The following PTPRK variants were observed in gnomAD, a reference collection of about 807,000 sequenced individuals.
The protein encoded by PTPRK is protein tyrosine phosphatase receptor type K.
In PTPRK, 75 loss-of-function variants were observed where a neutral mutation model predicts 178.0. The observed-to-expected ratio is 0.42, with a 90% CI of 0.35 to 0.51. PTPRK has a LOEUF of 0.51. Ranked by LOEUF, PTPRK falls within the 20% of genes least tolerant of loss-of-function variation. The pLI, the probability that PTPRK is intolerant of heterozygous loss-of-function variation, is 0.02. For missense variants in PTPRK, 1,441 were observed against 1,797.8 expected (o/e 0.80, Z 3.59); for synonymous variants, 637 against 620.6 (o/e 1.03, Z -0.39).
intron 13 of PTPRK, among the ~76,000 whole-genome samples, chr6:128,058,237 T>G (rs1017579811): frequency 2.0e-5 from 3 of 152,174 alleles, no homozygotes; most frequent in Admixed American, 2.0e-4. Context: ...TGCTAGACAG[T>G]TTTCCAAAGT....
chr6:128,276,326 C>A (rs1164548630), intron 3 of PTPRK, among the ~76,000 whole-genome samples: 1 of 151,994 alleles, frequency 6.6e-6, no homozygotes, highest in Admixed American at 6.6e-5. Flanking sequence ...AAGAAAAAAT[C>A]ATTCTTTTCT....
chr6:128,428,698 TC>T, intron 1 of PTPRK, among the ~76,000 whole-genome samples: 2 of 152,210 alleles, frequency 1.3e-5, no homozygotes. Flanking sequence ...CAATGACCTA[TC>T]CTGACTAAAG....
intron 6 of PTPRK, among the ~76,000 whole-genome samples, chr6:128,218,129 A>G (rs1809680034): frequency 6.6e-6 from 1 of 152,116 alleles, no homozygotes; most frequent in Non-Finnish European, 1.5e-5. Context: ...TTTCCTTCAT[A>G]GCCCATACCA....
At chr6:128,108,078 ACAC>A (rs1790026998) in intron 7 of PTPRK, among the ~76,000 whole-genome samples, 2 of 134,798 alleles carry the variant, frequency 1.5e-5, no homozygotes, top group African/African-American at 2.7e-5. Context: ...AAACACACAC[ACAC>A]ACACACACAC....
At chr6:128,167,719 G>T (rs1024592113) in intron 7 of PTPRK, among the ~76,000 whole-genome samples, 4 of 151,974 alleles carry the variant, frequency 2.6e-5, no homozygotes, top group African/African-American at 9.7e-5. Flanking sequence ...TTGTAAAGTT[G>T]AATAGACATT....
chr6:128,484,548 AAGT>A (rs2128425654), intron 1 of PTPRK, among the ~76,000 whole-genome samples: 1 of 152,322 alleles, frequency 6.6e-6, no homozygotes, highest in East Asian at 1.9e-4. Flanking sequence ...GCCAGTTATC[AAGT>A]GATAATACTT....
chr6:128,026,421 G>A (rs564585961), intron 13 of PTPRK, among the ~76,000 whole-genome samples: 1 of 152,304 alleles, frequency 6.6e-6, no homozygotes, highest in East Asian at 1.9e-4. Context: ...AAAGAGGGAT[G>A]AAAATCACTC....
At chr6:128,500,365 G>A (rs188205681) in intron 1 of PTPRK, among the ~76,000 whole-genome samples, 9 of 148,492 alleles carry the variant, frequency 6.1e-5, no homozygotes, top group African/African-American at 1.8e-4. Context: ...TGAAAATTTG[G>A]GGGGGGGAGT....
intron 7 of PTPRK, among the ~76,000 whole-genome samples, chr6:128,142,356 T>C (rs904783345): frequency 6.6e-6 from 1 of 151,874 alleles, no homozygotes; most frequent in South Asian, 2.1e-4. Context: ...CCATAAGATC[T>C]TGCACAGATA....
chr6:128,290,101 C>A (rs1823136081), intron 3 of PTPRK, among the ~76,000 whole-genome samples: 1 of 152,094 alleles, frequency 6.6e-6, no homozygotes, highest in Non-Finnish European at 1.5e-5. Flanking sequence ...CAAAATCTCC[C>A]TATGAATCTT....
rs540050505 is a variant in PTPRK, at chr6:128,413,582, CTT to C, written c.101-15896_101-15895del. ...TATCAATGGTATTCCTCCGTGGTGT[CTT>C]TGAAATCACTGGACTATTCAGATGG... On this transcript the variant is annotated intron_variant, in intron 1 of 29. Coordinates refer to ENST00000368226, the MANE Select transcript of PTPRK (RefSeq NM_002844.4). 1.3e-3 allele frequency among the ~76,000 whole-genome samples: 201 copies of C among 152,210 alleles called. 1 individual carries two copies. The highest frequency in any genetic ancestry group is 4.7e-3 in the African/African-American group (197 of 41,532).
intron 7 of PTPRK, among the ~76,000 whole-genome samples, chr6:128,103,324 T>C (rs565970068): frequency 1.3e-5 from 2 of 152,210 alleles, no homozygotes; most frequent in South Asian, 4.1e-4. Flanking sequence ...TTCAAGTCTT[T>C]GTGTGACCTG....
At chr6:128,409,238 C>G (rs75662105) in intron 1 of PTPRK, 4 of 429,142 alleles carry the variant, frequency 9.3e-6, no homozygotes, top group Non-Finnish European at 1.4e-5. Flanking sequence ...ATAAACTTAT[C>G]TAAAACATGG....
At chr6:128,086,468 G>A (rs901277888) in intron 8 of PTPRK, among the ~76,000 whole-genome samples, 1 of 152,100 alleles carries the variant, frequency 6.6e-6, no homozygotes, top group Non-Finnish European at 1.5e-5. Flanking sequence ...CTACCTTAGG[G>A]TTCTGGCGGG....
intron 7 of PTPRK, among the ~76,000 whole-genome samples, chr6:128,174,069 G>A (rs892385991): frequency 1.3e-5 from 2 of 151,870 alleles, no homozygotes; most frequent in African/African-American, 4.8e-5. Context: ...TTATAGTGGT[G>A]GACATATGAG....
chr6:128,273,542 T>C (rs1379882272), intron 3 of PTPRK, among the ~76,000 whole-genome samples: 1 of 152,120 alleles, frequency 6.6e-6, no homozygotes, highest in Non-Finnish European at 1.5e-5. Context: ...TGAGATCCAC[T>C]GTCCCCACAT....
intron 16 of PTPRK, among the ~76,000 whole-genome samples, chr6:127,998,211 T>C (rs1777386256): frequency 1.3e-5 from 2 of 152,030 alleles, no homozygotes. Flanking sequence ...TTTGCAGTGC[T>C]CTATTTTTTT....
intron 3 of PTPRK, among the ~76,000 whole-genome samples, chr6:128,320,281 C>T (rs1330593014): frequency 3.9e-5 from 6 of 152,086 alleles, no homozygotes; most frequent in African/African-American, 7.2e-5. Flanking sequence ...GTAATCTGTG[C>T]CATGAGAAAA....
At chr6:128,001,042 C>G (rs997493636) in intron 15 of PTPRK, among the ~76,000 whole-genome samples, 5 of 151,980 alleles carry the variant, frequency 3.3e-5, no homozygotes, top group African/African-American at 1.2e-4. Flanking sequence ...CATTATTAAT[C>G]TCAATACATT....
Sources: allele counts gnomAD v4.1 joint callset (sites outside exome capture counted in the v4.1 genomes callset), GRCh38; gene constraint gnomAD v4.1.1; transcripts MANE v1.5; gene names NCBI Gene and HGNC (gene_info 2026-07-23, HGNC 2026-07-21).